Variants in TPD52L2 observed in about 807,000 individuals in gnomAD.
The protein encoded by TPD52L2 is tumor protein D54.
In TPD52L2, 19 loss-of-function variants were observed where a neutral mutation model predicts 24.7. The ratio of observed to expected loss-of-function variants is 0.77; its 90% CI spans 0.54 to 1.13. The LOEUF is 1.13. Ranked by LOEUF, TPD52L2 falls within the 50% of genes most tolerant of loss-of-function variation. TPD52L2 has a pLI of 0.00. For missense variants in TPD52L2, 236 were observed against 250.4 expected, an observed-to-expected ratio of 0.94 and a Z score of 0.39; for synonymous variants, 104 against 100.2, an observed-to-expected ratio of 1.04 and a Z score of -0.23.
In TPD52L2 at chr20:63,889,335, C is replaced by T. The variant is rs2053249708; in HGVS notation, c.525+97C>T. 3 of 1,089,586 alleles carry T rather than the reference C, an allele frequency of 2.8e-6. No homozygotes were observed. The African/African-American group carries it at 4.7e-5, about 17-fold the overall frequency. The allele number at this position is 1,089,586 out of a possible 1,614,324, so 67.5% of individuals were successfully genotyped here. Reference sequence around the variant, plus strand: ...CATTTAGTTATGGTAGACTCACATACAGTTGTGGGAAGTAATGCAGAGAGG... The same window carrying T: ...CATTTAGTTATGGTAGACTCACATATAGTTGTGGGAAGTAATGCAGAGAGG... On this transcript the variant is annotated intron_variant, in intron 6 of 6. Coordinates refer to ENST00000346249, the MANE Select transcript of TPD52L2 (RefSeq NM_003288.4).
chr20:63,887,510 G>T, intron 5 of TPD52L2: 2 of 1,599,846 alleles, frequency 1.3e-6, no homozygotes, highest in South Asian at 1.1e-5. Flanking sequence ...GTTGTGTGTG[G>T]ATCTTGGTGT....
At position 63,877,712 on chromosome 20, in the gene TPD52L2, C is replaced by G. The variant is rs540554583; in HGVS notation, c.374+1837C>G. Among the ~76,000 whole-genome samples the G allele has an allele frequency of 1.4e-3, 209 of 152,398 alleles. No individual in the cohort carries two copies. The highest frequency in any genetic ancestry group is 2.2e-3 in the Non-Finnish European group (150 of 68,040). On this transcript the variant is annotated intron_variant, in intron 4 of 6. Transcript: ENST00000346249. The surrounding 1 kb of genome is among the most constrained non-coding windows in gnomAD (Gnocchi z 4.1). Reference sequence around the variant, plus strand: ...TAGTGTTTTAGAGAGCTTATTACAACACTCAGCGTCCCGACCCCTCTGGAG... The same window carrying G: ...TAGTGTTTTAGAGAGCTTATTACAAGACTCAGCGTCCCGACCCCTCTGGAG...
rs747679896 is a variant in TPD52L2, at chr20:63,873,812, A to G, written c.310A>G (p.Ser104Gly). 6 of 1,546,776 alleles carry G rather than the reference A, an allele frequency of 3.9e-6. No homozygotes were observed. The highest frequency in any genetic ancestry group is 1.7e-6 in the Non-Finnish European group (2 of 1,151,244). The change falls in exon 3 of 7, where the codon AGC (serine) becomes GGC (glycine). Residue 104 changes from serine to glycine, a missense_variant. Ser to Gly is a moderately conservative substitution (Grantham distance 56). Transcript: ENST00000346249. ...SRSWHDVQVS[S>G]AYVKTSEKLG... ...GAGCTGGCATGACGTGCAGGTCTCT[A>G]GCGCGTAGGTACCTGCCCCAGGCGC... is the stretch of plus-strand genomic sequence containing the variant.
At chr20:63,869,856 G>A (rs1352234941) in intron 2 of TPD52L2, among the ~76,000 whole-genome samples, 1 of 152,230 alleles carries the variant, frequency 6.6e-6, no homozygotes, top group African/African-American at 2.4e-5. Flanking sequence ...TGGATGCAGT[G>A]GCTCATGCCT....
At chr20:63,881,767 G>A (rs1242215974) in intron 4 of TPD52L2, among the ~76,000 whole-genome samples, 2 of 152,324 alleles carry the variant, frequency 1.3e-5, no homozygotes, top group African/African-American at 2.4e-5. Flanking sequence ...GGGAGGAGCC[G>A]TGATAAGGTG....
Position 63,865,292 on chromosome 20 carries a change from G to A in TPD52L2, c.-74G>A. ...GGCAGTTCCGCTGGCTAGTGTGTAC[G>A]CGGCGAGCTTCTCCCGGCGCCGCCC... On this transcript the variant is annotated 5_prime_UTR_variant, in exon 1 of 7. Transcript: ENST00000346249. The A allele has an allele frequency of 1.4e-6, 2 of 1,472,612 alleles. No individual in the cohort carries two copies. The highest frequency in any genetic ancestry group is 1.3e-5 in the South Asian group (1 of 76,188). The allele number at this position is 1,472,612 out of a possible 1,614,324, so 91.2% of individuals were successfully genotyped here. A position where few individuals can be genotyped will look rare whatever the true frequency, so the allele number is the denominator to read the frequency against.
Position 63,882,804 on chromosome 20 carries a change from A to G in TPD52L2, c.460A>G (p.Lys154Glu). The G allele has an allele frequency of 6.2e-7, 1 of 1,612,728 alleles. No individual in the cohort carries two copies. ...LSTVGSAISRKLGDMRNSATF... is the reference protein window; with the variant it reads ...LSTVGSAISRELGDMRNSATF... Reference sequence around the variant, plus strand: ...CACAGTGGGCTCTGCCATCAGCAGGAAGCTTGGAGACATGAGGTGAGACGC... The same window carrying G: ...CACAGTGGGCTCTGCCATCAGCAGGGAGCTTGGAGACATGAGGTGAGACGC... Residue 154 changes from lysine to glutamate, a missense_variant, in exon 5 of 7, where the codon AAG becomes GAG. Transcript: ENST00000346249.
intron 4 of TPD52L2, among the ~76,000 whole-genome samples, chr20:63,878,278 A>C (rs1011652160): frequency 6.6e-6 from 1 of 152,238 alleles, no homozygotes; most frequent in Non-Finnish European, 1.5e-5. Context: ...TGAGGCTGCA[A>C]TGCGGCCACA....
intron 5 of TPD52L2, chr20:63,885,877 T>C: frequency 1.2e-6 from 1 of 833,848 alleles, no homozygotes. Flanking sequence ...GGAGCCGTCC[T>C]GGAGGGTCTT....
At chr20:63,865,527 C>A in intron 1 of TPD52L2, 143 bp downstream of exon 1, 1 of 1,138,588 alleles carries the variant, frequency 8.8e-7, no homozygotes, top group Non-Finnish European at 1.2e-6. Flanking sequence ...CCCGGGGCCA[C>A]TGACCTCGAA....
intron 2 of TPD52L2, among the ~76,000 whole-genome samples, chr20:63,871,772 T>C (rs533393593): frequency 3.9e-5 from 6 of 152,072 alleles, no homozygotes; most frequent in African/African-American, 1.2e-4. Context: ...TACCTGGGGT[T>C]ACAGGTGCAT....
At chr20:63,885,792 C>T (rs774440996) in intron 5 of TPD52L2, among the ~76,000 whole-genome samples, 24 of 152,230 alleles carry the variant, frequency 1.6e-4, no homozygotes, top group South Asian at 2.1e-4. Flanking sequence ...CATGATCTTG[C>T]GAGAGCCTCC....
chr20:63,866,275 T>C (rs1444620753), intron 1 of TPD52L2, among the ~76,000 whole-genome samples: 1 of 151,742 alleles, frequency 6.6e-6, no homozygotes, highest in Non-Finnish European at 1.5e-5. Context: ...CAGCTAATTT[T>C]TGTATTTTTA....
intron 4 of TPD52L2, among the ~76,000 whole-genome samples, chr20:63,879,860 G>A (rs2052830961): frequency 2.3e-5 from 2 of 88,532 alleles, no homozygotes; most frequent in African/African-American, 9.2e-5. Flanking sequence ...CCCACTCTTA[G>A]GGCACAAATG....
At chr20:63,868,802 C>T (rs748313017) in intron 1 of TPD52L2, among the ~76,000 whole-genome samples, 7 of 152,132 alleles carry the variant, frequency 4.6e-5, no homozygotes, top group Admixed American at 6.5e-5. Flanking sequence ...AAATAGCCAG[C>T]GTGGTGGCGT....
chr20:63,869,583 G>A (rs2052386663), intron 2 of TPD52L2, 142 bp downstream of exon 2: 1 of 1,067,136 alleles, frequency 9.4e-7, no homozygotes. Flanking sequence ...ACTGATAACG[G>A]GGTTCTCTTT....
Position 63,877,669 on chromosome 20 carries a change from G to T in TPD52L2, c.374+1794G>T, listed in dbSNP as rs1400121158. Among the ~76,000 whole-genome samples, 1 of 152,250 alleles carries T rather than the reference G, an allele frequency of 6.6e-6. No individual in the cohort carries two copies. The highest frequency in any genetic ancestry group is 2.4e-5 in the African/African-American group (1 of 41,468). On this transcript the variant is annotated intron_variant, in intron 4 of 6. Transcript: ENST00000346249. The surrounding 1 kb of genome is among the most constrained non-coding windows in gnomAD (Gnocchi z 4.1). ...AAACCAACTGACATAAAGCTGCCGG[G>T]ATCCTATTTCAAATAAATAGTGTTT... is the stretch of plus-strand genomic sequence containing the variant.
At position 63,867,764 on chromosome 20, in the gene TPD52L2, G is replaced by GT. The variant is rs1443363001; in HGVS notation, c.20-1523dup. ...TTTGTGTTGTCTTTTAAAAGGCATA[G>GT]TTTTTTTTTCTTTTTCTTTTCTTTT... On this transcript the variant is annotated intron_variant, in intron 1 of 6. Coordinates refer to ENST00000346249, the MANE Select transcript of TPD52L2 (RefSeq NM_003288.4). 5.7e-3 allele frequency among the ~76,000 whole-genome samples: 844 copies of GT among 148,164 alleles called. 35 individuals carry two copies. The highest frequency in any genetic ancestry group is 1.6e-3 in the Non-Finnish European group (105 of 67,058).
chr20:63,878,736 C>T (rs1243528096), intron 4 of TPD52L2, among the ~76,000 whole-genome samples: 1 of 152,196 alleles, frequency 6.6e-6, no homozygotes, highest in African/African-American at 2.4e-5. Flanking sequence ...GCCCAGGGGA[C>T]AGCTCACTGG....
Sources: allele counts gnomAD v4.1 joint callset (sites outside exome capture counted in the v4.1 genomes callset), GRCh38; gene constraint gnomAD v4.1.1; non-coding constraint Gnocchi (gnomAD v3.1); transcripts MANE v1.5; gene names NCBI Gene and HGNC (gene_info 2026-07-23, HGNC 2026-07-21).